Variants in DGLUCY observed in about 807,000 individuals in gnomAD.
The protein encoded by DGLUCY is D-glutamate cyclase.
Under a neutral mutation model 58.5 loss-of-function variants are expected in DGLUCY, and 58 were observed. The observed-to-expected ratio is 0.99, with a 90% CI of 0.80 to 1.23. DGLUCY has a LOEUF of 1.23. Among genes scored for constraint, DGLUCY ranks in the 50% most tolerant of loss-of-function variants. The pLI is 0.00. For missense variants in DGLUCY, 779 were observed against 784.7 expected (o/e 0.99, Z 0.09); for synonymous variants, 325 against 314.1 (o/e 1.03, Z -0.37).
intron 1 of DGLUCY, among the ~76,000 whole-genome samples, chr14:91,102,854 C>T (rs2044517047): frequency 6.6e-6 from 1 of 151,544 alleles, no homozygotes; most frequent in Non-Finnish European, 1.5e-5. Context: ...CTTCGCCTCC[C>T]AGGTACAAGC....
chr14:91,180,571 CAAAAAAAA>C, intron 7 of DGLUCY, among the ~76,000 whole-genome samples: 1 of 86,152 alleles, frequency 1.2e-5, no homozygotes, highest in South Asian at 3.6e-4. Context: ...GACTCCATCT[CAAAAAAAA>C]AAAAAAAAAG....
At chr14:91,161,517 G>A (rs1010555776) in intron 3 of DGLUCY, among the ~76,000 whole-genome samples, 7 of 152,184 alleles carry the variant, frequency 4.6e-5, no homozygotes, top group African/African-American at 1.7e-4. Context: ...GACATGTCTG[G>A]CATCCAGTGG....
intron 3 of DGLUCY, among the ~76,000 whole-genome samples, chr14:91,161,151 C>T (rs1037287870): frequency 3.3e-5 from 5 of 152,210 alleles, no homozygotes; most frequent in East Asian, 1.9e-4. Flanking sequence ...CTGCAAGCTC[C>T]GCCTCCCAGA....
intron 10 of DGLUCY, among the ~76,000 whole-genome samples, chr14:91,198,376 ACT>A (rs1256051533): frequency 3.0e-5 from 4 of 132,032 alleles, no homozygotes; most frequent in Non-Finnish European, 4.8e-5. Context: ...ACGGGGTCTC[ACT>A]CTGTCACCCA....
chr14:91,224,172 T>C (rs1887896119), intron 13 of DGLUCY, among the ~76,000 whole-genome samples: 1 of 152,138 alleles, frequency 6.6e-6, no homozygotes, highest in African/African-American at 2.4e-5. Flanking sequence ...GGGAGGAACT[T>C]ATTGGCAGGA....
chr14:91,151,965 A>G (rs2047363348), intron 1 of DGLUCY, among the ~76,000 whole-genome samples: 1 of 151,918 alleles, frequency 6.6e-6, no homozygotes, highest in East Asian at 1.9e-4. Context: ...ACAGGGTCTC[A>G]TGTCATAAGA....
rs76302406 is a variant in DGLUCY at position 91,142,374 on chromosome 14, A to G, written c.-81-15265A>G. Among the ~76,000 whole-genome samples the G allele has an allele frequency of 9.4e-3, 1,428 of 152,268 alleles. 56 individuals carry two copies. In the East Asian group the frequency reaches 0.14, roughly 14 times the overall value. ...CACTTTGAGAACACTTCCTGTCACAAATAGAAACTGCACGGCTTCCATTAG... is the reference window on the plus strand; with the variant it reads ...CACTTTGAGAACACTTCCTGTCACAGATAGAAACTGCACGGCTTCCATTAG... On this transcript the variant is annotated intron_variant, in intron 1 of 13. Coordinates refer to ENST00000256324, the MANE Select transcript of DGLUCY (RefSeq NM_001102368.3).
intron 5 of DGLUCY, among the ~76,000 whole-genome samples, chr14:91,172,657 T>TC (rs1404192962): frequency 6.6e-6 from 1 of 152,110 alleles, no homozygotes; most frequent in African/African-American, 2.4e-5. Context: ...CCTTTTTTTT[T>TC]TTTCTTTGAG....
At chr14:91,205,314 C>T (rs1884369259) in intron 12 of DGLUCY, among the ~76,000 whole-genome samples, 1 of 152,146 alleles carries the variant, frequency 6.6e-6, no homozygotes, top group Non-Finnish European at 1.5e-5. Flanking sequence ...CCTTTCCTTT[C>T]ACCTACTTCT....
At chr14:91,119,857 T>TC (rs1330306586) in intron 1 of DGLUCY, among the ~76,000 whole-genome samples, 2 of 152,186 alleles carry the variant, frequency 1.3e-5, no homozygotes, top group African/African-American at 2.4e-5. Flanking sequence ...CTTTCAGTCT[T>TC]CATCTTTCTC....
intron 1 of DGLUCY, among the ~76,000 whole-genome samples, chr14:91,118,088 C>CCT (rs1491351174): frequency 1.7e-4 from 10 of 60,542 alleles, no homozygotes; most frequent in African/African-American, 5.8e-4. Flanking sequence ...CCCCCCCCCC[C>CCT]TTTTTTTTTT....
intron 7 of DGLUCY, among the ~76,000 whole-genome samples, 179 bp downstream of exon 7, chr14:91,176,235 AT>A (rs978101614): frequency 3.3e-5 from 5 of 151,174 alleles, no homozygotes; most frequent in African/African-American, 9.7e-5. Context: ...TTATTTATTT[AT>A]TTTTTTTTGA....
chr14:91,130,078 G>T (rs558319542), intron 1 of DGLUCY, among the ~76,000 whole-genome samples: 3 of 152,274 alleles, frequency 2.0e-5, no homozygotes, highest in South Asian at 4.1e-4. Context: ...ACTAAGAATG[G>T]ATTGCTAGGT....
At chr14:91,195,611 C>T (rs2050151229) in intron 9 of DGLUCY, among the ~76,000 whole-genome samples, 1 of 150,834 alleles carries the variant, frequency 6.6e-6, no homozygotes, top group Non-Finnish European at 1.5e-5. Context: ...TGTTTGGCAT[C>T]TCTGAGCCTC....
intron 8 of DGLUCY, among the ~76,000 whole-genome samples, chr14:91,184,233 C>A (rs1030340413): frequency 2.6e-5 from 4 of 151,976 alleles, no homozygotes; most frequent in African/African-American, 9.7e-5. Context: ...CAGGCTGGGA[C>A]CTTCCCCTGC....
At chr14:91,146,480 C>G (rs1029141833) in intron 1 of DGLUCY, among the ~76,000 whole-genome samples, 1 of 152,192 alleles carries the variant, frequency 6.6e-6, no homozygotes, top group Non-Finnish European at 1.5e-5. Flanking sequence ...AGTCATCCTC[C>G]ACTCCCACTT....
At chr14:91,093,685 A>C (rs2044348868) in intron 1 of DGLUCY, among the ~76,000 whole-genome samples, 1 of 152,070 alleles carries the variant, frequency 6.6e-6, no homozygotes, top group African/African-American at 2.4e-5. Context: ...CATGCCTGTA[A>C]TCCCAGCTTC....
At chr14:91,159,393 G>A (rs148312468) in intron 2 of DGLUCY, among the ~76,000 whole-genome samples, 73 of 152,276 alleles carry the variant, frequency 4.8e-4, no homozygotes, top group Middle Eastern at 6.8e-3. Context: ...GTTGCACTGA[G>A]CTGAGATTGC....
At chr14:91,208,550 A>G (rs1885145593) in intron 12 of DGLUCY, among the ~76,000 whole-genome samples, 1 of 152,090 alleles carries the variant, frequency 6.6e-6, no homozygotes, top group Non-Finnish European at 1.5e-5. Context: ...GGAATTTGAT[A>G]CCAGCCTGGG....
Sources: gnomAD v4.1 joint callset for allele counts (sites outside exome capture counted in the v4.1 genomes callset) on GRCh38, gnomAD v4.1.1 for gene constraint, MANE v1.5 for transcripts, NCBI Gene and HGNC (gene_info 2026-07-23, HGNC 2026-07-21) for gene names.